The following CA13 variants were observed in gnomAD, a reference collection of about 807,000 sequenced individuals.
The protein encoded by CA13 is CA-XIII.
In CA13, 21 loss-of-function variants were observed where a neutral mutation model predicts 31.5. That is an observed-to-expected ratio of 0.67 (90% CI 0.47 to 0.96). CA13 has a LOEUF of 0.96. CA13 is among the 40% of genes least tolerant of loss of function. CA13 has a pLI of 0.00. For synonymous variants in CA13, 117 were observed against 111.4 expected, an observed-to-expected ratio of 1.05 and a Z score of -0.32; for missense variants, 315 against 318.9, an observed-to-expected ratio of 0.99 and a Z score of 0.09.
chr8:85,270,106 G>C (rs1372909378), intron 6 of CA13, among the ~76,000 whole-genome samples: 1 of 152,192 alleles, frequency 6.6e-6, no homozygotes, highest in South Asian at 2.1e-4. Flanking sequence ...GATGCTGTGT[G>C]TTCTTGGATG....
intron 3 of CA13, among the ~76,000 whole-genome samples, chr8:85,263,240 A>T (rs1807408856): frequency 6.6e-6 from 1 of 152,206 alleles, no homozygotes; most frequent in African/African-American, 2.4e-5. Flanking sequence ...TGTCCTGATG[A>T]GGCAGGCAGG....
At chr8:85,248,632 A>T (rs1398664414) in intron 1 of CA13, among the ~76,000 whole-genome samples, 3 of 152,084 alleles carry the variant, frequency 2.0e-5, no homozygotes, top group African/African-American at 7.2e-5. Context: ...AAAAATTGAA[A>T]AAGGGGACCT....
chr8:85,262,780 G>C (rs1807402339), intron 3 of CA13, among the ~76,000 whole-genome samples: 1 of 152,176 alleles, frequency 6.6e-6, no homozygotes, highest in Non-Finnish European at 1.5e-5. Flanking sequence ...GAGAGTGCAG[G>C]TAGAGGCTGG....
rs1275014850 is a variant in CA13 at position 85,283,086 on chromosome 8, G to T, written c.*1737G>T. On this transcript the variant is annotated 3_prime_UTR_variant, in exon 7 of 7. Coordinates refer to ENST00000321764, the MANE Select transcript of CA13 (RefSeq NM_198584.3). The stretch of plus-strand genomic sequence containing the variant: ...ATTACAGGCACATGCCACCACACCC[G>T]GCTAATTTTTGTATTTTTAGTAGAG... 3 of 151,930 alleles carry T rather than the reference G, an allele frequency of 2.0e-5. No homozygotes were observed. Among genetic ancestry groups the T allele is most frequent in the African/African-American group, 4.8e-5 (2 of 41,346 alleles). The allele number at this position is 151,930 out of a possible 1,614,324, so 9.4% of individuals were successfully genotyped here.
At chr8:85,269,516 G>C (rs1807499371) in intron 6 of CA13, among the ~76,000 whole-genome samples, 1 of 152,176 alleles carries the variant, frequency 6.6e-6, no homozygotes. Flanking sequence ...GAAAGAGAGA[G>C]AAAGGGGAGG....
At chr8:85,245,917 C>A in intron 1 of CA13, 52 bp downstream of exon 1, 1 of 1,605,226 alleles carries the variant, frequency 6.2e-7, no homozygotes, top group Non-Finnish European at 8.5e-7. Context: ...GACGAGAGGA[C>A]TAGCGCGACG....
chr8:85,270,455 T>G (rs1807514393), intron 6 of CA13, among the ~76,000 whole-genome samples: 1 of 152,254 alleles, frequency 6.6e-6, no homozygotes. Flanking sequence ...AATCCAGAGC[T>G]TGACTGACAT....
At position 85,251,637 on chromosome 8, in the gene CA13, C is replaced by A. The variant is rs546709653; in HGVS notation, c.235+700C>A. ...ACCTATAATGCCATTTAAGTACCTG[C>A]TTTAATAGAAAAAGTTTAGTTTAAA... On this transcript the variant is annotated intron_variant, in intron 2 of 6. Coordinates refer to ENST00000321764, the MANE Select transcript of CA13 (RefSeq NM_198584.3). 6.5e-3 allele frequency among the ~76,000 whole-genome samples: 982 copies of A among 151,634 alleles called. 11 individuals carry two copies. The highest frequency in any genetic ancestry group is 0.022 in the African/African-American group (916 of 41,342).
chr8:85,253,355 C>A (rs1052320038), intron 2 of CA13, among the ~76,000 whole-genome samples: 2 of 151,516 alleles, frequency 1.3e-5, no homozygotes, highest in African/African-American at 4.9e-5. Context: ...GCCTTGACCT[C>A]CTGGGCTCAA....
chr8:85,283,730 G>A lies in CA13; in HGVS notation c.*2381G>A, dbSNP rs574991530. ...ATGTGGAGGGGCATGTAGGACAGGG[G>A]TTCTAATTACTGTCTGTGAGAGTTA... On this transcript the variant is annotated 3_prime_UTR_variant, in exon 7 of 7. Coordinates refer to ENST00000321764, the MANE Select transcript of CA13 (RefSeq NM_198584.3). 1 of 152,700 alleles carries A rather than the reference G, an allele frequency of 6.5e-6. No homozygotes were observed. The highest frequency in any genetic ancestry group is 1.5e-5 in the Non-Finnish European group (1 of 68,026). The allele number at this position is 152,700 out of a possible 1,614,324, so 9.5% of individuals were successfully genotyped here.
chr8:85,259,370 T>C, intron 2 of CA13, 51 bp from the exon 3 acceptor site: 1 of 1,446,744 alleles, frequency 6.9e-7, no homozygotes, highest in Non-Finnish European at 9.7e-7. Flanking sequence ...TTTGAGCAGC[T>C]TATGTAAATA....
At position 85,260,661 on chromosome 8, in the gene CA13, C is replaced by T. The variant is rs769258750; in HGVS notation, c.354+1122C>T. ...CCTCAGGGTAGAGAAATAAAATGTA[C>T]GTACAAAGTTTTTTATGATGGTGGA... On this transcript the variant is annotated intron_variant, in intron 3 of 6. Transcript: ENST00000321764. 8.5e-4 allele frequency among the ~76,000 whole-genome samples: 129 copies of T among 151,160 alleles called. 1 individual carries two copies. Among genetic ancestry groups the T allele is most frequent in the Non-Finnish European group, 1.6e-3 (108 of 67,312 alleles).
chr8:85,267,443 C>T, intron 4 of CA13: 1 of 349,720 alleles, frequency 2.9e-6, no homozygotes, highest in Non-Finnish European at 4.0e-6. Flanking sequence ...ATGATATATT[C>T]CCTTGATTTG....
intron 6 of CA13, among the ~76,000 whole-genome samples, chr8:85,277,352 G>T (rs1007615877): frequency 5.9e-5 from 9 of 151,930 alleles, no homozygotes; most frequent in African/African-American, 2.2e-4. Context: ...CTTAAGAGCT[G>T]TAACACTCAC....
intron 1 of CA13, chr8:85,249,798 C>T: frequency 2.2e-6 from 1 of 448,760 alleles, no homozygotes; most frequent in Non-Finnish European, 4.5e-6. Flanking sequence ...AAGTGACTCA[C>T]ATCTGTAGAA....
chr8:85,274,820 T>C (rs771756785), intron 6 of CA13, among the ~76,000 whole-genome samples: 3 of 152,224 alleles, frequency 2.0e-5, no homozygotes, highest in Non-Finnish European at 4.4e-5. Flanking sequence ...CGATGATGTG[T>C]TGCAGACGCC....
Position 85,277,180 on chromosome 8 carries a change from G to C in CA13, c.670-4050G>C, listed in dbSNP as rs774224788. ...TCTTCTTCCACACCGTGGAAGCTCTGTTCTTTCCCTCTTTGCAATAAATCT... is the reference window on the plus strand; with the variant it reads ...TCTTCTTCCACACCGTGGAAGCTCTCTTCTTTCCCTCTTTGCAATAAATCT... On this transcript the variant is annotated intron_variant, in intron 6 of 6. Transcript: ENST00000321764. 3.7e-4 allele frequency among the ~76,000 whole-genome samples: 57 copies of C among 152,172 alleles called. 1 individual carries two copies. The highest frequency in any genetic ancestry group is 1.0e-4 in the Non-Finnish European group (7 of 68,022).
chr8:85,278,135 G>T (rs2130014098), intron 6 of CA13, among the ~76,000 whole-genome samples: 1 of 151,696 alleles, frequency 6.6e-6, no homozygotes, highest in Middle Eastern at 3.4e-3. Flanking sequence ...GGTGTCCCCT[G>T]CCTATATATA....
In CA13 at chr8:85,245,651, G is replaced by C; in HGVS notation, c.-178G>C. On this transcript the variant is annotated 5_prime_UTR_variant, in exon 1 of 7. Coordinates refer to ENST00000321764, the MANE Select transcript of CA13 (RefSeq NM_198584.3). Reference sequence around the variant, plus strand: ...AGCGGCGCGGGCGCCTTCCCCGCACGCCTCTGCCGTCTGGAGGACGCAGGC... The same window carrying C: ...AGCGGCGCGGGCGCCTTCCCCGCACCCCTCTGCCGTCTGGAGGACGCAGGC... The C allele has an allele frequency of 1.5e-6, 1 of 658,954 alleles. No homozygotes were observed. Among genetic ancestry groups the C allele is most frequent in the East Asian group, 2.7e-5 (1 of 36,822 alleles). 40.8% of individuals were successfully genotyped at this position (658,954 alleles called of 1,614,324 possible).
Sources: gnomAD v4.1 joint callset for allele counts (sites outside exome capture counted in the v4.1 genomes callset) on GRCh38, gnomAD v4.1.1 for gene constraint, MANE v1.5 for transcripts, NCBI Gene and HGNC (gene_info 2026-07-23, HGNC 2026-07-21) for gene names.